Variants in ARHGAP24 observed in about 807,000 individuals in gnomAD.
ARHGAP24 encodes Rho GTPase activating protein 24.
ARHGAP24 carries 50 observed loss-of-function variants against 76.4 expected under a neutral mutation model. The ratio of observed to expected loss-of-function variants is 0.65; its 90% CI spans 0.52 to 0.83. The LOEUF is 0.83. ARHGAP24 is among the 40% of genes least tolerant of loss of function. The probability of loss-of-function intolerance (pLI) is 0.00; values close to 1 mark genes in which losing one functional copy is unlikely to be tolerated. For missense variants in ARHGAP24, 930 were observed against 914.2 expected (o/e 1.02, Z -0.22); for synonymous variants, 345 against 323.3 (o/e 1.07, Z -0.72).
intron 3 of ARHGAP24, among the ~76,000 whole-genome samples, chr4:85,896,152 A>G (rs1371996986): frequency 6.6e-6 from 1 of 152,182 alleles, no homozygotes; most frequent in Non-Finnish European, 1.5e-5. Flanking sequence ...GGATATTTAA[A>G]CTCAATTTCT....
chr4:85,753,787 A>G (rs1305084299), intron 3 of ARHGAP24, among the ~76,000 whole-genome samples: 1 of 152,138 alleles, frequency 6.6e-6, no homozygotes, highest in East Asian at 1.9e-4. Context: ...ATATATCATA[A>G]TTGTGCATAT....
intron 3 of ARHGAP24, among the ~76,000 whole-genome samples, chr4:85,837,896 C>T (rs1009865609): frequency 6.6e-6 from 1 of 152,118 alleles, no homozygotes; most frequent in African/African-American, 2.4e-5. Flanking sequence ...ATTCCTCGAT[C>T]GGTATTGTAT....
intron 3 of ARHGAP24, among the ~76,000 whole-genome samples, chr4:85,857,916 A>G (rs1731678062): frequency 6.6e-6 from 1 of 152,130 alleles, no homozygotes; most frequent in East Asian, 1.9e-4. Flanking sequence ...GAAGGTTTCT[A>G]TTAATTCTGA....
At chr4:85,908,456 T>A (rs1201054459) in intron 3 of ARHGAP24, among the ~76,000 whole-genome samples, 1 of 152,224 alleles carries the variant, frequency 6.6e-6, no homozygotes, top group Non-Finnish European at 1.5e-5. Flanking sequence ...TAAGTTATTA[T>A]GTTTTTCCTT....
intron 1 of ARHGAP24, among the ~76,000 whole-genome samples, chr4:85,504,726 G>T (rs1033368100): frequency 6.6e-6 from 1 of 152,120 alleles, no homozygotes; most frequent in African/African-American, 2.4e-5. Context: ...TACATTTAAG[G>T]TTAATATTGT....
At chr4:85,754,646 C>G (rs982109376) in intron 3 of ARHGAP24, among the ~76,000 whole-genome samples, 3 of 152,304 alleles carry the variant, frequency 2.0e-5, no homozygotes, top group Admixed American at 2.0e-4. Flanking sequence ...TTCTTAGACA[C>G]AGAATTTTAA....
intron 4 of ARHGAP24, among the ~76,000 whole-genome samples, chr4:85,935,972 G>A (rs1736609628): frequency 6.6e-6 from 1 of 152,116 alleles, no homozygotes; most frequent in African/African-American, 2.4e-5. Context: ...ATATTTTGTG[G>A]CTACTTAAAA....
chr4:85,975,224 C>G (rs1049230593), intron 7 of ARHGAP24, among the ~76,000 whole-genome samples: 1 of 152,140 alleles, frequency 6.6e-6, no homozygotes, highest in African/African-American at 2.4e-5. Context: ...GTTTTTTGTA[C>G]TGTTTCAGAA....
At chr4:85,621,262 C>G (rs1220665915) in intron 2 of ARHGAP24, among the ~76,000 whole-genome samples, 1 of 151,970 alleles carries the variant, frequency 6.6e-6, no homozygotes, top group African/African-American at 2.4e-5. Context: ...GGAATTACTT[C>G]TTTTTCTTTG....
At chr4:85,510,156 T>G (rs1439081782) in intron 1 of ARHGAP24, among the ~76,000 whole-genome samples, 1 of 152,204 alleles carries the variant, frequency 6.6e-6, no homozygotes, top group East Asian at 1.9e-4. Context: ...ACTGCTCTTT[T>G]GTTTCAGAGA....
At chr4:85,655,691 G>C (rs1232265747) in intron 2 of ARHGAP24, among the ~76,000 whole-genome samples, 1 of 150,846 alleles carries the variant, frequency 6.6e-6, no homozygotes, top group Admixed American at 6.6e-5. Context: ...AGAATGGCTT[G>C]AACCCGGAAT....
intron 2 of ARHGAP24, among the ~76,000 whole-genome samples, chr4:85,599,838 T>G (rs1026827926): frequency 1.3e-5 from 2 of 152,138 alleles, no homozygotes; most frequent in African/African-American, 4.8e-5. Flanking sequence ...AAGTAACTAT[T>G]TTTTAAAACA....
At chr4:85,864,469 G>C (rs1732077879) in intron 3 of ARHGAP24, among the ~76,000 whole-genome samples, 1 of 152,010 alleles carries the variant, frequency 6.6e-6, no homozygotes, top group African/African-American at 2.4e-5. Context: ...TGTAAAATTT[G>C]GTACAGATTT....
intron 3 of ARHGAP24, among the ~76,000 whole-genome samples, chr4:85,907,044 G>T (rs1560709953): frequency 6.6e-6 from 1 of 152,270 alleles, no homozygotes; most frequent in East Asian, 1.9e-4. Flanking sequence ...GAATCAAAAT[G>T]AATGGAAAAA....
intron 3 of ARHGAP24, among the ~76,000 whole-genome samples, chr4:85,761,133 G>A (rs1726717797): frequency 1.3e-5 from 2 of 152,168 alleles, no homozygotes; most frequent in Admixed American, 1.3e-4. Context: ...TTGTGGTGGT[G>A]CATCAGCCAC....
intron 3 of ARHGAP24, among the ~76,000 whole-genome samples, chr4:85,824,911 G>A (rs1169676079): frequency 6.6e-6 from 1 of 152,054 alleles, no homozygotes; most frequent in Non-Finnish European, 1.5e-5. Context: ...CCAACATGGA[G>A]AAACCCTGTC....
rs145106864 is a variant in ARHGAP24, at chr4:85,996,638, A to G, written c.2003+981A>G. 3.4e-3 allele frequency among the ~76,000 whole-genome samples: 512 copies of G among 152,364 alleles called. 2 individuals carry two copies. Among genetic ancestry groups the G allele is most frequent in the Non-Finnish European group, 5.3e-3 (362 of 68,038 alleles). On this transcript the variant is annotated intron_variant, in intron 9 of 9. Coordinates refer to ENST00000395184, the MANE Select transcript of ARHGAP24 (RefSeq NM_001025616.3). The stretch of plus-strand genomic sequence containing the variant: ...ATACTACTTATAAATGAGATTGAAA[A>G]ATTACTTCCTTGGAAAGTATTTTTT...
At chr4:85,547,051 C>G (rs2110126461) in intron 1 of ARHGAP24, among the ~76,000 whole-genome samples, 1 of 151,972 alleles carries the variant, frequency 6.6e-6, no homozygotes, top group Admixed American at 6.6e-5. Context: ...ATGAAATGAT[C>G]AAAAAAAGAA....
chr4:85,793,074 AT>A (rs1728198385), intron 3 of ARHGAP24, among the ~76,000 whole-genome samples: 1 of 152,152 alleles, frequency 6.6e-6, no homozygotes, highest in African/African-American at 2.4e-5. Flanking sequence ...ACACCAATAA[AT>A]TTTTTAAATG....
Sources: allele counts gnomAD v4.1 joint callset (sites outside exome capture counted in the v4.1 genomes callset), GRCh38; gene constraint gnomAD v4.1.1; transcripts MANE v1.5; gene names NCBI Gene and HGNC (gene_info 2026-07-23, HGNC 2026-07-21).